The following C12orf42 variants were observed in gnomAD, a reference collection of about 807,000 sequenced individuals.
The protein encoded by C12orf42 is uncharacterized protein C12orf42.
C12orf42 carries 25 observed loss-of-function variants against 21.6 expected under a neutral mutation model. The observed-to-expected ratio is 1.16, with a 90% CI of 0.84 to 1.62. C12orf42 has a LOEUF of 1.62. C12orf42 is among the 40% of genes most tolerant of loss of function. The pLI, the probability that C12orf42 is intolerant of heterozygous loss-of-function variation, is 0.00. For synonymous variants in C12orf42, 174 were observed against 175.0 expected (o/e 0.99, Z 0.05); for missense variants, 483 against 459.3 (o/e 1.05, Z -0.47).
At chr12:103,268,067 G>T (rs975756047), downstream of C12orf42, 3 of 151,938 alleles carry the variant, frequency 2.0e-5, no homozygotes, top group African/African-American at 7.3e-5. Flanking sequence ...ACAACATATT[G>T]TAAAAATCAA....
At chr12:103,227,907 T>C in the C12orf42 span, among the ~76,000 whole-genome samples, 7 of 152,024 alleles carry the variant, frequency 4.6e-5, no homozygotes, top group African/African-American at 1.7e-4. Flanking sequence ...GAGAAAGTGG[T>C]TGAGGGACAG....
At chr12:103,192,709 A>AT in the C12orf42 span, among the ~76,000 whole-genome samples, 7 of 152,284 alleles carry the variant, frequency 4.6e-5, no homozygotes, top group East Asian at 1.4e-3. Context: ...CTATCAATAT[A>AT]TTTTTATCCA....
intron 4 of C12orf42, among the ~76,000 whole-genome samples, chr12:103,365,115 G>T (rs1224934676): frequency 2.0e-5 from 3 of 152,024 alleles, no homozygotes; most frequent in Non-Finnish European, 2.9e-5. Context: ...ATATCAAAAA[G>T]ATAATCCACC....
chr12:103,248,354 A>G (rs2034112997), intron 10 of C12orf42, among the ~76,000 whole-genome samples: 1 of 152,040 alleles, frequency 6.6e-6, no homozygotes, highest in Non-Finnish European at 1.5e-5. Flanking sequence ...ATGGCCTGAT[A>G]TTACAGTAAG....
At chr12:103,440,687 AAG>A (rs1951174950) in intron 2 of C12orf42, among the ~76,000 whole-genome samples, 1 of 152,172 alleles carries the variant, frequency 6.6e-6, no homozygotes. Flanking sequence ...GTGATTTGTC[AAG>A]AGTGGCACAG....
the C12orf42 span, among the ~76,000 whole-genome samples, chr12:103,135,218 A>G: frequency 1.3e-5 from 2 of 152,072 alleles, no homozygotes; most frequent in South Asian, 2.1e-4. Flanking sequence ...ACTGTTGAAG[A>G]TAGACGCAGG....
chr12:103,519,842 G>A, the C12orf42 span, among the ~76,000 whole-genome samples: 1 of 152,174 alleles, frequency 6.6e-6, no homozygotes, highest in South Asian at 2.1e-4. Context: ...GAGGAATGAG[G>A]CTGAAAAGGT....
chr12:103,351,800 T>C (rs978646032), intron 4 of C12orf42, among the ~76,000 whole-genome samples: 3 of 152,152 alleles, frequency 2.0e-5, no homozygotes, highest in African/African-American at 7.2e-5. Flanking sequence ...CAAAAATAAT[T>C]GAAGATTAAT....
chr12:103,543,529 C>A, the C12orf42 span, among the ~76,000 whole-genome samples: 1 of 152,034 alleles, frequency 6.6e-6, no homozygotes, highest in Non-Finnish European at 1.5e-5. Context: ...GAAAGGATCA[C>A]TTGAGCCCAG....
At chr12:103,544,578 T>C in the C12orf42 span, among the ~76,000 whole-genome samples, 1 of 152,232 alleles carries the variant, frequency 6.6e-6, no homozygotes, top group Admixed American at 6.5e-5. Context: ...TTGGCCATTA[T>C]TTCCTCAAAC....
chr12:103,516,717 T>C, the C12orf42 span, among the ~76,000 whole-genome samples: 2 of 152,202 alleles, frequency 1.3e-5, no homozygotes, highest in East Asian at 3.8e-4. Context: ...ACATGTGGAT[T>C]ACAATTTGAG....
the C12orf42 span, among the ~76,000 whole-genome samples, chr12:103,156,474 T>C: frequency 1.3e-5 from 2 of 151,978 alleles, no homozygotes; most frequent in Non-Finnish European, 2.9e-5. Flanking sequence ...TGTGCAATTA[T>C]GTGAATAAAT....
the C12orf42 span, among the ~76,000 whole-genome samples, chr12:103,055,683 A>G: frequency 6.6e-6 from 1 of 152,000 alleles, no homozygotes; most frequent in African/African-American, 2.4e-5. Flanking sequence ...GTATGAATTC[A>G]GTACCATTGA....
At chr12:103,326,903 G>T (rs1476756089) in intron 4 of C12orf42, among the ~76,000 whole-genome samples, 1 of 152,144 alleles carries the variant, frequency 6.6e-6, no homozygotes, top group Non-Finnish European at 1.5e-5. Flanking sequence ...GCTCCATAAG[G>T]CAAGGTCTTT....
rs116253362 is a variant in C12orf42 at position 103,328,771 on chromosome 12, A to G, written c.260-22426T>C. ...GGAGTATGCAAGCCATGTTATTGAA[A>G]GAAAGCTGAGGAAGGGAGTCTGTCT... On this transcript the variant is annotated intron_variant, in intron 4 of 5. Coordinates refer to ENST00000548883, the MANE Select transcript of C12orf42 (RefSeq NM_198521.5). Among the ~76,000 whole-genome samples, 1,311 of 152,350 alleles carry G rather than the reference A, an allele frequency of 8.6e-3. 12 individuals carry two copies. Among genetic ancestry groups the G allele is most frequent in the African/African-American group, 0.03 (1,245 of 41,582 alleles).
chr12:103,483,219 G>A (rs1026097837), intron 1 of C12orf42, among the ~76,000 whole-genome samples: 8 of 152,042 alleles, frequency 5.3e-5, no homozygotes, highest in African/African-American at 1.9e-4. Flanking sequence ...ATGGATTTTG[G>A]GTGATGATGC....
intron 3 of C12orf42, among the ~76,000 whole-genome samples, chr12:103,387,035 C>A (rs1257175699): frequency 6.6e-6 from 1 of 152,172 alleles, no homozygotes; most frequent in African/African-American, 2.4e-5. Context: ...GATCTGGAAC[C>A]GCTTTGACCA....
At chr12:103,325,704 G>A (rs924848600) in intron 4 of C12orf42, among the ~76,000 whole-genome samples, 3 of 152,118 alleles carry the variant, frequency 2.0e-5, no homozygotes, top group South Asian at 4.1e-4. Context: ...TGCAATATTG[G>A]CCCCAATTCT....
At chr12:103,509,554 C>T in the C12orf42 span, among the ~76,000 whole-genome samples, 2 of 152,038 alleles carry the variant, frequency 1.3e-5, no homozygotes, top group African/African-American at 2.4e-5. Flanking sequence ...AATTTAACAT[C>T]GATTCCAAGG....
Sources: gnomAD v4.1 joint callset for allele counts (sites outside exome capture counted in the v4.1 genomes callset) on GRCh38, gnomAD v4.1.1 for gene constraint, MANE v1.5 for transcripts, NCBI Gene and HGNC (gene_info 2026-07-23, HGNC 2026-07-21) for gene names.